Variants in DNAJB6 observed in about 807,000 individuals in gnomAD.
DNAJB6 encodes the protein DnaJ heat shock protein family (Hsp40) member B6, also known as dnaJ homolog subfamily B member 6.
In DNAJB6, 16 loss-of-function variants were observed where a neutral mutation model predicts 42.7. The ratio of observed to expected loss-of-function variants is 0.37; its 90% CI spans 0.25 to 0.57. The LOEUF (loss-of-function observed/expected upper bound fraction) is 0.57, where lower values mean the gene tolerates loss of function less well. DNAJB6 is among the 20% of genes least tolerant of loss of function. The pLI, the probability that DNAJB6 is intolerant of heterozygous loss-of-function variation, is 0.74. For synonymous variants in DNAJB6, 170 were observed against 163.5 expected (o/e 1.04, Z -0.30); for missense variants, 347 against 416.8 (o/e 0.83, Z 1.46).
intron 8 of DNAJB6, among the ~76,000 whole-genome samples, chr7:157,391,429 G>A (rs149492606): frequency 2.0e-4 from 30 of 152,312 alleles, no homozygotes; most frequent in African/African-American, 6.3e-4. Flanking sequence ...GTATCTTTCC[G>A]TGTCCATGGG....
intron 5 of DNAJB6, among the ~76,000 whole-genome samples, chr7:157,377,023 A>G (rs558472631): frequency 6.6e-6 from 1 of 152,232 alleles, no homozygotes; most frequent in Non-Finnish European, 1.5e-5. Flanking sequence ...ACCTGGGATC[A>G]TAGAAAAAAA....
intron 8 of DNAJB6, among the ~76,000 whole-genome samples, chr7:157,401,101 A>T (rs1232389520): frequency 6.6e-6 from 1 of 152,098 alleles, no homozygotes; most frequent in African/African-American, 2.4e-5. Context: ...TCTCTGGCCC[A>T]CCACGAGCCC....
At chr7:157,368,172 T>G (rs1456480057) in intron 5 of DNAJB6, among the ~76,000 whole-genome samples, 1 of 152,204 alleles carries the variant, frequency 6.6e-6, no homozygotes, top group Non-Finnish European at 1.5e-5. Flanking sequence ...CTTTGAAAAT[T>G]TAAGTTACAG....
chr7:157,343,796 A>C (rs1207150613), intron 1 of DNAJB6, among the ~76,000 whole-genome samples: 1 of 152,032 alleles, frequency 6.6e-6, no homozygotes, highest in African/African-American at 2.4e-5. Context: ...GAGGTCATTG[A>C]ATTTATTGGA....
At position 157,403,874 on chromosome 7, in the gene DNAJB6, C is replaced by T. The variant is rs556054832; in HGVS notation, c.692-5921C>T. On this transcript the variant is annotated intron_variant, in intron 8 of 9. Coordinates refer to ENST00000262177, the MANE Select transcript of DNAJB6 (RefSeq NM_058246.4). ...GAAGCAGAGGCTGCTCCAGAGACTG[C>T]GGTGCCTTCCTGTCCACCCTGACCC... Among the ~76,000 whole-genome samples, 163 of 152,260 alleles carry T rather than the reference C, an allele frequency of 1.1e-3. 1 individual carries two copies. The highest frequency in any genetic ancestry group is 2.7e-3 in the Admixed American group (41 of 15,306).
In DNAJB6 at chr7:157,357,252, T is replaced by TTCCG. The variant is rs1321722942; in HGVS notation, c.-26-1292_-26-1291insGTCC. On this transcript the variant is annotated intron_variant, in intron 1 of 9. Transcript: ENST00000262177. Reference sequence around the variant, plus strand: ...CTTCCTTCCTTCCTTCCTTCCTTCCTTCCTTCCTTCCGTCCTTCCTTCCGT... The same window carrying TTCCG: ...CTTCCTTCCTTCCTTCCTTCCTTCCTTCCGTCCTTCCTTCCGTCCTTCCTTCCGT... Among the ~76,000 whole-genome samples the TTCCG allele has an allele frequency of 1.6e-3, 109 of 66,172 alleles. 3 individuals are homozygous for TTCCG. The highest frequency in any genetic ancestry group is 2.0e-3 in the Non-Finnish European group (57 of 27,942). The allele number at this position is 66,172 out of a possible 152,430, so 43.4% of individuals were successfully genotyped here.
intron 8 of DNAJB6, among the ~76,000 whole-genome samples, chr7:157,407,768 C>T (rs149404882): frequency 2.4e-3 from 364 of 152,294 alleles, no homozygotes; most frequent in Non-Finnish European, 4.2e-3. Flanking sequence ...ACAGCGACTT[C>T]GCAGCACTGT....
At chr7:157,382,221 A>G in intron 5 of DNAJB6, 25 bp from the exon 6 acceptor site, 2 of 1,561,916 alleles carry the variant, frequency 1.3e-6, no homozygotes. Context: ...AAGACTTCAT[A>G]GTGTGTGTTT....
intron 8 of DNAJB6, among the ~76,000 whole-genome samples, chr7:157,399,675 A>AT (rs930425893): frequency 2.2e-4 from 33 of 149,216 alleles, no homozygotes; most frequent in East Asian, 5.9e-4. Flanking sequence ...CTCTATCTGT[A>AT]TTTTTTTTTT....
In DNAJB6 at chr7:157,409,940, G is replaced by A. The variant is rs773414936; in HGVS notation, c.837G>A (p.Glu279=). The A allele has an allele frequency of 7.8e-6, 12 of 1,536,884 alleles. No individual in the cohort carries two copies. The Admixed American group carries it at 2.3e-4, about 30-fold the overall frequency. The change falls in exon 9 of 10, where the codon GAG becomes GAA. Residue 279 remains glutamate (E), a synonymous_variant. Coordinates refer to ENST00000262177, the MANE Select transcript of DNAJB6 (RefSeq NM_058246.4). ...LRHAPHCLSE[E]EGEQDRPRAP... ...ACGCGCCTCACTGTCTCTCTGAGGAGGAGGGCGAGCAGGACCGACCTCGGG... is the reference window on the plus strand; with the variant it reads ...ACGCGCCTCACTGTCTCTCTGAGGAAGAGGGCGAGCAGGACCGACCTCGGG...
intron 8 of DNAJB6, among the ~76,000 whole-genome samples, chr7:157,402,976 C>G (rs913828297): frequency 6.6e-6 from 1 of 152,174 alleles, no homozygotes; most frequent in Non-Finnish European, 1.5e-5. Context: ...TGAGGACACG[C>G]CCGTGACACA....
intron 3 of DNAJB6, among the ~76,000 whole-genome samples, chr7:157,365,034 C>T (rs1799777625): frequency 6.6e-6 from 1 of 152,226 alleles, no homozygotes; most frequent in Admixed American, 6.5e-5. Flanking sequence ...TCGCTGCAGT[C>T]TTGACCTCCC....
At chr7:157,355,135 G>A (rs1453468515) in intron 1 of DNAJB6, among the ~76,000 whole-genome samples, 1 of 152,130 alleles carries the variant, frequency 6.6e-6, no homozygotes, top group African/African-American at 2.4e-5. Flanking sequence ...AGCCTTTAGC[G>A]TTCCCGTAGT....
intron 5 of DNAJB6, chr7:157,379,805 C>CTTTTTTTTTTT (rs57417414): frequency 8.3e-6 from 1 of 121,164 alleles, no homozygotes; most frequent in Non-Finnish European, 1.7e-5. Flanking sequence ...GCAGAAATGC[C>CTTTTTTTTTTT]TTTTTTTTTT....
intron 8 of DNAJB6, among the ~76,000 whole-genome samples, chr7:157,392,253 T>C (rs1169614490): frequency 6.6e-6 from 1 of 152,192 alleles, no homozygotes; most frequent in Admixed American, 6.5e-5. Context: ...GCAAGCATCT[T>C]GTGTCACCTG....
Position 157,370,182 on chromosome 7 carries a change from A to AGGCCCCTTCTTAACATTATTATTAAACG in DNAJB6, c.346+2725_346+2726insCGGGCCCCTTCTTAACATTATTATTAAA, listed in dbSNP as rs1800121281. On this transcript the variant is annotated intron_variant, in intron 5 of 9. Transcript: ENST00000262177. The stretch of plus-strand genomic sequence containing the variant: ...CCCCTTCTTAACATTATTATTAAAC[A>AGGCCCCTTCTTAACATTATTATTAAACG]GGCCCCTTCTTAACATTATTATTAA... 3.4e-5 allele frequency among the ~76,000 whole-genome samples: 5 copies of AGGCCCCTTCTTAACATTATTATTAAACG among 145,166 alleles called. No individual in the cohort carries two copies. The South Asian group carries it at 6.6e-4, about 19-fold the overall frequency.
chr7:157,409,744 G>A, intron 8 of DNAJB6, 51 bp from the exon 9 acceptor site: 2 of 1,472,688 alleles, frequency 1.4e-6, no homozygotes, highest in Non-Finnish European at 1.8e-6. Context: ...CTGGATGGGG[G>A]CCGGCCGCCG....
rs77969111 is a variant in DNAJB6 at position 157,388,971 on chromosome 7, A to C, written c.691+3360A>C. 0.015 allele frequency among the ~76,000 whole-genome samples: 2,354 copies of C among 152,300 alleles called. 132 individuals are homozygous for C. In the East Asian group the frequency reaches 0.18, roughly 12 times the overall value. On this transcript the variant is annotated intron_variant, in intron 8 of 9. Coordinates refer to ENST00000262177, the MANE Select transcript of DNAJB6 (RefSeq NM_058246.4). ...GTTTTAAATAATCTGAAAGATGTCA[A>C]TCAATAGTGGCATCATGGGCGACTT...
chr7:157,369,450 A>G (rs747703973), intron 5 of DNAJB6: 6 of 451,414 alleles, frequency 1.3e-5, no homozygotes, highest in South Asian at 4.6e-5. Context: ...TTCCAACACC[A>G]TGGCTTCTCT....
Sources: gnomAD v4.1 joint callset for allele counts (sites outside exome capture counted in the v4.1 genomes callset) on GRCh38, gnomAD v4.1.1 for gene constraint, MANE v1.5 for transcripts, NCBI Gene and HGNC (gene_info 2026-07-23, HGNC 2026-07-21) for gene names.